The following PACS1 variants were observed in gnomAD, a reference collection of about 807,000 sequenced individuals.
The protein encoded by PACS1 is PACS-1.
PACS1 carries 24 observed loss-of-function variants against 115.0 expected under a neutral mutation model. That is an observed-to-expected ratio of 0.21 (90% CI 0.15 to 0.29). PACS1 has a LOEUF of 0.29. Among genes scored for constraint, PACS1 ranks in the 10% least tolerant of loss-of-function variants. The pLI is 1.00. For missense variants in PACS1, 838 were observed against 1,251.2 expected (o/e 0.67, Z 4.98); for synonymous variants, 453 against 504.5 (o/e 0.90, Z 1.37).
intron 1 of PACS1, among the ~76,000 whole-genome samples, chr11:66,154,250 A>T (rs1859306337): frequency 6.6e-6 from 1 of 152,156 alleles, no homozygotes; most frequent in Admixed American, 6.5e-5. Context: ...CAGCCTGGGC[A>T]ACATAGTGAG....
chr11:66,129,396 C>T (rs1399587190), intron 1 of PACS1, among the ~76,000 whole-genome samples: 1 of 150,036 alleles, frequency 6.7e-6, no homozygotes, highest in Non-Finnish European at 1.5e-5. Context: ...CGCACCACTG[C>T]ACTCCAGGCT....
In PACS1 at chr11:66,193,586, G is replaced by T. The variant is rs1468785591; in HGVS notation, c.444+13G>T. The T allele has an allele frequency of 6.3e-7, 1 of 1,598,102 alleles. No homozygotes were observed. The highest frequency in any genetic ancestry group is 1.3e-5 in the African/African-American group (1 of 74,610). Reference sequence around the variant, plus strand: ...TGTGAAGCTGCAGGTGAGTGGGGCAGGACTGTTTGTTCAGGGCCCAGGGAA... The same window carrying T: ...TGTGAAGCTGCAGGTGAGTGGGGCATGACTGTTTGTTCAGGGCCCAGGGAA... On this transcript the variant is annotated intron_variant, in intron 2 of 23. Coordinates refer to ENST00000320580, the MANE Select transcript of PACS1 (RefSeq NM_018026.4).
intron 10 of PACS1, among the ~76,000 whole-genome samples, chr11:66,225,831 G>C (rs1481640782): frequency 2.0e-5 from 3 of 152,128 alleles, no homozygotes; most frequent in Non-Finnish European, 4.4e-5. Context: ...ATTATCTCTA[G>C]TCTCAGGTCT....
intron 1 of PACS1, among the ~76,000 whole-genome samples, chr11:66,171,878 C>A (rs1859748170): frequency 6.6e-6 from 1 of 152,072 alleles, no homozygotes; most frequent in African/African-American, 2.4e-5. Flanking sequence ...CGCGCCCGGC[C>A]TCATTCCATT....
At chr11:66,135,469 T>A (rs1230651106) in intron 1 of PACS1, among the ~76,000 whole-genome samples, 1 of 152,214 alleles carries the variant, frequency 6.6e-6, no homozygotes, top group African/African-American at 2.4e-5. Context: ...TGCTTTGGCT[T>A]AAGCTTTAGA....
intron 1 of PACS1, among the ~76,000 whole-genome samples, chr11:66,164,790 A>G (rs988646734): frequency 2.0e-5 from 3 of 151,340 alleles, no homozygotes; most frequent in African/African-American, 7.3e-5. Flanking sequence ...AACATTGTTT[A>G]TAGTTTGTTG....
intron 1 of PACS1, among the ~76,000 whole-genome samples, chr11:66,188,403 A>C (rs1854437216): frequency 6.6e-6 from 1 of 152,112 alleles, no homozygotes; most frequent in African/African-American, 2.4e-5. Flanking sequence ...ACACACACAC[A>C]TATATGTAAA....
At position 66,235,714 on chromosome 11, in the gene PACS1, T is replaced by A. The variant is rs1462707274; in HGVS notation, c.2208-184T>A. ...GCATGATCAGGTCATTTGCCCTCATTTTGTGAGCTCCACATGCACAGCAAG... is the reference window on the plus strand; with the variant it reads ...GCATGATCAGGTCATTTGCCCTCATATTGTGAGCTCCACATGCACAGCAAG... On this transcript the variant is annotated intron_variant, in intron 18 of 23. Coordinates refer to ENST00000320580, the MANE Select transcript of PACS1 (RefSeq NM_018026.4). The surrounding 1 kb of genome is among the most constrained non-coding windows in gnomAD (Gnocchi z 5.6). 6.6e-6 allele frequency among the ~76,000 whole-genome samples: 1 copy of A among 152,112 alleles called. No homozygotes were observed. Among genetic ancestry groups the A allele is most frequent in the African/African-American group, 2.4e-5 (1 of 41,418 alleles).
intron 1 of PACS1, among the ~76,000 whole-genome samples, chr11:66,073,923 T>G (rs1857354303): frequency 6.7e-6 from 1 of 148,546 alleles, no homozygotes; most frequent in Non-Finnish European, 1.5e-5. Flanking sequence ...TGGCTTTTTT[T>G]TTTTTTTTTT....
In PACS1 at chr11:66,105,852, T is replaced by C. The variant is rs117935011; in HGVS notation, c.356+35010T>C. Among the ~76,000 whole-genome samples, 260 of 152,312 alleles carry C rather than the reference T, an allele frequency of 1.7e-3. 5 individuals are homozygous for C. In the East Asian group the frequency reaches 0.042, roughly 25 times the overall value. On this transcript the variant is annotated intron_variant, in intron 1 of 23. Transcript: ENST00000320580. Reference sequence around the variant, plus strand: ...TACAGTATACTTTCTGGGAGGAGTATGCCTATAAGCATCCTTGGCTGGAAC... The same window carrying C: ...TACAGTATACTTTCTGGGAGGAGTACGCCTATAAGCATCCTTGGCTGGAAC...
At chr11:66,073,700 A>G (rs1857350093) in intron 1 of PACS1, among the ~76,000 whole-genome samples, 1 of 152,144 alleles carries the variant, frequency 6.6e-6, no homozygotes, top group Non-Finnish European at 1.5e-5. Flanking sequence ...TAGCTTACTC[A>G]CAGCTGGTTT....
In PACS1 at chr11:66,235,553, C is replaced by T. The variant is rs1855689329; in HGVS notation, c.2207+150C>T. The T allele has an allele frequency of 3.3e-5, 21 of 637,112 alleles. No individual in the cohort carries two copies. In the South Asian group the frequency reaches 3.8e-4, roughly 12 times the overall value. The allele number at this position is 637,112 out of a possible 1,614,324, so 39.5% of individuals were successfully genotyped here. ...ATATGAGTGGTTTTTACCACCACCT[C>T]CCCAGCACTCCTTCCTTGCCCAAGG... On this transcript the variant is annotated intron_variant, in intron 18 of 23. Coordinates refer to ENST00000320580, the MANE Select transcript of PACS1 (RefSeq NM_018026.4). The surrounding 1 kb of genome is among the most constrained non-coding windows in gnomAD (Gnocchi z 5.6).
intron 1 of PACS1, among the ~76,000 whole-genome samples, chr11:66,149,224 T>G (rs1859185623): frequency 6.6e-6 from 1 of 151,712 alleles, no homozygotes; most frequent in African/African-American, 2.4e-5. Flanking sequence ...CCCGAGTAGC[T>G]GGGATTACAG....
At position 66,140,277 on chromosome 11, in the gene PACS1, G is replaced by C. The variant is rs144692371; in HGVS notation, c.357-53209G>C. ...AGCTCTACAGCTGTGCTTGCAAACC[G>C]AGGAGATTTTTGACTGAGCTCTAGT... is the stretch of plus-strand genomic sequence containing the variant. On this transcript the variant is annotated intron_variant, in intron 1 of 23. Coordinates refer to ENST00000320580, the MANE Select transcript of PACS1 (RefSeq NM_018026.4). Among the ~76,000 whole-genome samples, 7 of 152,252 alleles carry C rather than the reference G, an allele frequency of 4.6e-5. No homozygotes were observed. The East Asian group carries it at 1.3e-3, about 29-fold the overall frequency.
At chr11:66,182,609 T>G (rs370781113) in intron 1 of PACS1, among the ~76,000 whole-genome samples, 14 of 152,274 alleles carry the variant, frequency 9.2e-5, no homozygotes, top group African/African-American at 2.9e-4. Flanking sequence ...ACTATAGGCA[T>G]GTAGGCACAT....
At chr11:66,225,434 G>A (rs183138484) in intron 10 of PACS1, among the ~76,000 whole-genome samples, 2 of 152,320 alleles carry the variant, frequency 1.3e-5, no homozygotes, top group East Asian at 1.9e-4. Context: ...TTGTCCCCAG[G>A]AGGATTGTCT....
chr11:66,158,189 G>A (rs529945627), intron 1 of PACS1, among the ~76,000 whole-genome samples: 3 of 152,142 alleles, frequency 2.0e-5, no homozygotes, highest in Non-Finnish European at 4.4e-5. Context: ...GACTAGTCTC[G>A]AGCTCCTGAG....
chr11:66,098,993 T>A (rs748836360), intron 1 of PACS1, among the ~76,000 whole-genome samples: 2 of 152,138 alleles, frequency 1.3e-5, no homozygotes, highest in African/African-American at 4.8e-5. Context: ...GGTATCTCTG[T>A]TTTTCTTACT....
intron 1 of PACS1, among the ~76,000 whole-genome samples, chr11:66,143,343 G>C (rs573596824): frequency 6.6e-4 from 100 of 152,266 alleles, no homozygotes; most frequent in Non-Finnish European, 1.2e-3. Flanking sequence ...GCACTTTGGA[G>C]GCTGCAGTGT....
Sources: allele counts gnomAD v4.1 joint callset (sites outside exome capture counted in the v4.1 genomes callset), GRCh38; gene constraint gnomAD v4.1.1; non-coding constraint Gnocchi (gnomAD v3.1); transcripts MANE v1.5; gene names NCBI Gene and HGNC (gene_info 2026-07-23, HGNC 2026-07-21).